SUSD4: variants seen among roughly 807,000 people sequenced by gnomAD.
The protein encoded by SUSD4 is sushi domain containing 4.
In SUSD4, 41 loss-of-function variants were observed where a neutral mutation model predicts 50.5. The observed-to-expected ratio is 0.81, with a 90% CI of 0.63 to 1.05. The LOEUF is 1.05. SUSD4 is among the 50% of genes least tolerant of loss of function. The probability of loss-of-function intolerance (pLI) is 0.00; values close to 1 mark genes in which losing one functional copy is unlikely to be tolerated. For synonymous variants in SUSD4, 257 were observed against 257.3 expected (o/e 1.00, Z 0.01); for missense variants, 580 against 634.7 (o/e 0.91, Z 0.93).
intron 2 of SUSD4, among the ~76,000 whole-genome samples, chr1:223,305,594 ACT>A (rs1665487992): frequency 6.6e-6 from 1 of 152,218 alleles, no homozygotes; most frequent in African/African-American, 2.4e-5. Flanking sequence ...GAAGCTGATT[ACT>A]GTTTACCATT....
Position 223,317,851 on chromosome 1 carries a change from CTT to C in SUSD4, c.149-25202_149-25201del, listed in dbSNP as rs1172641015. Among the ~76,000 whole-genome samples the C allele has an allele frequency of 1.6e-3, 161 of 100,738 alleles. 4 individuals carry two copies. Among genetic ancestry groups the C allele is most frequent in the East Asian group, 0.015 (51 of 3,404 alleles). The allele number at this position is 100,738 out of a possible 152,430, so 66.1% of individuals were successfully genotyped here. ...TTGCCCTTCTTTTTTTTTTTTTTTT[CTT>C]TTTTTTTTTTTTTTTTATTATACTC... On this transcript the variant is annotated intron_variant, in intron 2 of 8. Coordinates refer to ENST00000366878, the MANE Select transcript of SUSD4 (RefSeq NM_017982.4).
chr1:223,271,772 C>T (rs991896511), intron 3 of SUSD4, among the ~76,000 whole-genome samples: 1 of 152,134 alleles, frequency 6.6e-6, no homozygotes, highest in Non-Finnish European at 1.5e-5. Context: ...AAAGTATGTG[C>T]CCAGTGAGTT....
chr1:223,243,810 T>C (rs1376089837), intron 5 of SUSD4, among the ~76,000 whole-genome samples: 1 of 152,226 alleles, frequency 6.6e-6, no homozygotes, highest in Non-Finnish European at 1.5e-5. Context: ...CATCGTCTCT[T>C]CCTGCTTTGC....
At chr1:223,364,868 C>A (rs777034850), upstream of SUSD4, among the ~76,000 whole-genome samples, 4 of 152,178 alleles carry the variant, frequency 2.6e-5, no homozygotes, top group Non-Finnish European at 5.9e-5. The surrounding 1 kb of genome is among the most constrained non-coding windows in gnomAD (Gnocchi z 4.5). Flanking sequence ...TCCGCCGAAG[C>A]TCTGCGCGTC....
rs1180457200 is a variant in SUSD4 at position 223,252,229 on chromosome 1, AAAAAAAAAT to A, written c.724+12392_724+12400del. Among the ~76,000 whole-genome samples, 496 of 68,696 alleles carry A rather than the reference AAAAAAAAAT, an allele frequency of 7.2e-3. 5 individuals are homozygous for A. Among genetic ancestry groups the A allele is most frequent in the African/African-American group, 0.019 (436 of 22,874 alleles). The allele number at this position is 68,696 out of a possible 152,430, so 45.1% of individuals were successfully genotyped here. On this transcript the variant is annotated intron_variant, in intron 5 of 8. Transcript: ENST00000366878. ...AACTTAAAGTATAATTAAAAAAAAA[AAAAAAAAAT>A]ATATATATATATATATAAAAGAAGA...
chr1:223,280,366 G>A (rs1297677533), intron 3 of SUSD4, among the ~76,000 whole-genome samples: 1 of 151,878 alleles, frequency 6.6e-6, no homozygotes, highest in African/African-American at 2.4e-5. Flanking sequence ...TACACACACA[G>A]GCTCAAAATA....
rs371857510 is a variant in SUSD4 at position 223,292,670 on chromosome 1, G to T, written c.149-19C>A. ...TCGAACCCTACATCAACAAAGAGAG[G>T]AAAAGGTGCCTATGAATATGTTCTC... On this transcript the variant is annotated intron_variant, in intron 2 of 8. Coordinates refer to ENST00000366878, the MANE Select transcript of SUSD4 (RefSeq NM_017982.4). 181 of 1,611,528 alleles carry T rather than the reference G, an allele frequency of 1.1e-4. No individual in the cohort carries two copies. Among genetic ancestry groups the T allele is most frequent in the Non-Finnish European group, 1.5e-4 (175 of 1,178,874 alleles).
intron 2 of SUSD4, among the ~76,000 whole-genome samples, chr1:223,294,715 T>C (rs1396740621): frequency 2.0e-5 from 3 of 152,202 alleles, no homozygotes; most frequent in Non-Finnish European, 4.4e-5. Context: ...TCTGATATTT[T>C]ACCAAACTGA....
intron 3 of SUSD4, chr1:223,289,067 G>C (rs899860255): frequency 2.6e-5 from 26 of 983,596 alleles, no homozygotes; most frequent in African/African-American, 3.5e-5. Context: ...AGTTGGTTTT[G>C]GAAAGGAAGC....
intron 2 of SUSD4, among the ~76,000 whole-genome samples, chr1:223,356,727 T>G (rs1271326825): frequency 6.6e-6 from 1 of 152,216 alleles, no homozygotes; most frequent in Non-Finnish European, 1.5e-5. Context: ...GCTCCTAATC[T>G]GGCTTTGTCT....
At position 223,231,702 on chromosome 1, in the gene SUSD4, G is replaced by A. The variant is rs1000368213; in HGVS notation, c.725-2314C>T. 6.6e-6 allele frequency among the ~76,000 whole-genome samples: 1 copy of A among 152,226 alleles called. No homozygotes were observed. Among genetic ancestry groups the A allele is most frequent in the African/African-American group, 2.4e-5 (1 of 41,456 alleles). ...TCCTGGGAGATCCAGGGATGTGGCC[G>A]TAAGGGCTCTTCTCTCCTTGGAGGC... On this transcript the variant is annotated intron_variant, in intron 5 of 8. Transcript: ENST00000366878. The surrounding 1 kb of genome is among the most constrained non-coding windows in gnomAD (Gnocchi z 4.2).
chr1:223,284,728 A>C (rs1447417576), intron 3 of SUSD4, among the ~76,000 whole-genome samples: 4 of 152,138 alleles, frequency 2.6e-5, no homozygotes, highest in Admixed American at 6.6e-5. Flanking sequence ...GAACTGGGGG[A>C]CATTATTTTA....
chr1:223,316,865 G>A (rs926632099), intron 2 of SUSD4, among the ~76,000 whole-genome samples: 1 of 152,104 alleles, frequency 6.6e-6, no homozygotes, highest in African/African-American at 2.4e-5. Flanking sequence ...GGATCTGGTT[G>A]GCCAAAGAAG....
chr1:223,262,264 C>A (rs770325558), intron 5 of SUSD4, among the ~76,000 whole-genome samples: 3 of 152,142 alleles, frequency 2.0e-5, no homozygotes, highest in Non-Finnish European at 4.4e-5. Flanking sequence ...CACACCATTA[C>A]TGCAGGGGTC....
intron 3 of SUSD4, among the ~76,000 whole-genome samples, chr1:223,276,925 TA>T (rs1233932264): frequency 1.3e-5 from 2 of 152,048 alleles, no homozygotes; most frequent in African/African-American, 4.8e-5. Context: ...AAATCCCAAA[TA>T]AAATATTTTT....
intron 5 of SUSD4, among the ~76,000 whole-genome samples, chr1:223,262,457 C>T (rs1396826181): frequency 1.3e-5 from 2 of 152,118 alleles, no homozygotes; most frequent in Non-Finnish European, 2.9e-5. Flanking sequence ...TGTGACAGTT[C>T]GTCTATGTTG....
chr1:223,323,387 T>A (rs1935037), intron 2 of SUSD4, among the ~76,000 whole-genome samples: 80,436 of 151,888 alleles, frequency 0.53, 21,314 homozygotes, highest in African/African-American at 0.55. Flanking sequence ...ACATGAGATG[T>A]CCCCAGTAGA....
intron 2 of SUSD4, among the ~76,000 whole-genome samples, chr1:223,355,569 T>C (rs1388280349): frequency 6.6e-6 from 1 of 152,114 alleles, no homozygotes; most frequent in African/African-American, 2.4e-5. Flanking sequence ...TTCACCCAAT[T>C]CAACCACATA....
intron 2 of SUSD4, among the ~76,000 whole-genome samples, chr1:223,346,407 T>G (rs1668036937): frequency 6.6e-6 from 1 of 152,180 alleles, no homozygotes; most frequent in South Asian, 2.1e-4. Context: ...TAACCACATT[T>G]GGGCTAGGGT....
Sources: gnomAD v4.1 joint callset for allele counts (sites outside exome capture counted in the v4.1 genomes callset) on GRCh38, gnomAD v4.1.1 for gene constraint, Gnocchi (gnomAD v3.1) non-coding constraint, MANE v1.5 for transcripts, NCBI Gene and HGNC (gene_info 2026-07-23, HGNC 2026-07-21) for gene names.